Variants in PCDH15 observed in about 807,000 individuals in gnomAD.
PCDH15 encodes the protein protocadherin related 15.
PCDH15 carries 129 observed loss-of-function variants against 178.5 expected under a neutral mutation model. The ratio of observed to expected loss-of-function variants is 0.72; its 90% confidence interval spans 0.63 to 0.84. The LOEUF (loss-of-function observed/expected upper bound fraction) is 0.84, where lower values mean the gene tolerates loss of function less well. Ranked by LOEUF, PCDH15 falls within the 40% of genes least tolerant of loss-of-function variation. The probability of loss-of-function intolerance (pLI) is 0.00; values close to 1 mark genes in which losing one functional copy is unlikely to be tolerated. For missense variants in PCDH15, 2,230 were observed against 2,099.9 expected, an observed-to-expected ratio of 1.06 and a Z score of -1.21; for synonymous variants, 800 against 732.0, an observed-to-expected ratio of 1.09 and a Z score of -1.50.
chr10:54,515,010 G>C (rs112247145), intron 3 of PCDH15, among the ~76,000 whole-genome samples: 5 of 152,206 alleles, frequency 3.3e-5, no homozygotes, highest in Admixed American at 3.3e-4. Context: ...CAAGATGGCC[G>C]AGTAGGAATA....
intron 2 of PCDH15, among the ~76,000 whole-genome samples, chr10:55,491,519 T>A (rs1019585653): frequency 6.6e-6 from 1 of 151,554 alleles, no homozygotes; most frequent in African/African-American, 2.4e-5. Context: ...TGGGGAGTAA[T>A]TCCAGAAAAA....
chr10:54,894,377 G>A (rs559118504), intron 3 of PCDH15, among the ~76,000 whole-genome samples: 85 of 152,208 alleles, frequency 5.6e-4, no homozygotes, highest in African/African-American at 2.0e-3. Context: ...CTTGAAGAAA[G>A]CCTTAAGTGA....
intron 14 of PCDH15, among the ~76,000 whole-genome samples, chr10:54,134,409 AAT>A (rs886226981): frequency 6.6e-6 from 1 of 152,090 alleles, no homozygotes; most frequent in African/African-American, 2.4e-5. Context: ...GGTCACCAAA[AAT>A]ATTTGTCTGA....
chr10:54,301,232 G>T (rs1459437030), intron 8 of PCDH15, among the ~76,000 whole-genome samples: 3 of 152,082 alleles, frequency 2.0e-5, no homozygotes, highest in African/African-American at 4.8e-5. Flanking sequence ...AAGTTCCTAG[G>T]CTTCATCCAA....
chr10:55,129,892 C>T (rs1382954852), intron 2 of PCDH15, among the ~76,000 whole-genome samples: 2 of 152,006 alleles, frequency 1.3e-5, no homozygotes, highest in African/African-American at 4.8e-5. Flanking sequence ...ATGTGCAATG[C>T]TATATAATAT....
At chr10:55,466,240 T>C (rs990784842) in intron 2 of PCDH15, among the ~76,000 whole-genome samples, 2 of 152,142 alleles carry the variant, frequency 1.3e-5, no homozygotes, top group African/African-American at 2.4e-5. Flanking sequence ...CAAAGTATAC[T>C]AGAGACAGCT....
rs114892969 is a variant in PCDH15 at position 55,006,641 on chromosome 10, A to G, written c.-79-109141T>C. ...CGTGTATGGCACCTCAACAAACTGT[A>G]AGAGCAGCCTGAGGGGCTGAACCCT... On this transcript the variant is annotated intron_variant, in intron 2 of 5. Transcript: ENST00000458638. Among the ~76,000 whole-genome samples the G allele has an allele frequency of 8.7e-3, 1,332 of 152,234 alleles. 18 individuals are homozygous for G. The highest frequency in any genetic ancestry group is 0.03 in the African/African-American group (1,262 of 41,548).
intron 2 of PCDH15, among the ~76,000 whole-genome samples, chr10:55,533,212 G>T (rs12220689): frequency 1.3e-5 from 2 of 151,806 alleles, no homozygotes; most frequent in African/African-American, 4.8e-5. Flanking sequence ...GCATAGTATT[G>T]GAATTCCTGC....
intron 2 of PCDH15, among the ~76,000 whole-genome samples, chr10:55,463,330 G>GATATTTAGATATT: frequency 6.6e-6 from 1 of 152,012 alleles, no homozygotes; most frequent in Non-Finnish European, 1.5e-5. Flanking sequence ...ATGATGATAT[G>GATATTTAGATATT]TATTCTAGCC....
chr10:54,041,983 T>A (rs1178101508), intron 18 of PCDH15, among the ~76,000 whole-genome samples: 6 of 151,914 alleles, frequency 3.9e-5, no homozygotes, highest in Admixed American at 3.9e-4. Context: ...TTAGTAACAT[T>A]CTTGAGATTA....
intron 2 of PCDH15, among the ~76,000 whole-genome samples, chr10:54,993,126 A>G (rs1839544892): frequency 6.6e-6 from 1 of 152,158 alleles, no homozygotes; most frequent in African/African-American, 2.4e-5. Context: ...TGCATATGAG[A>G]TTGGTTTGAG....
chr10:54,574,860 T>C (rs1038613948), intron 2 of PCDH15, among the ~76,000 whole-genome samples: 6 of 143,428 alleles, frequency 4.2e-5, no homozygotes, highest in Non-Finnish European at 9.2e-5. Flanking sequence ...CGTATGTTTA[T>C]TGCGGCATTA....
At chr10:54,813,394 A>G (rs771954077) in intron 3 of PCDH15, among the ~76,000 whole-genome samples, 2 of 152,258 alleles carry the variant, frequency 1.3e-5, no homozygotes, top group Middle Eastern at 6.8e-3. Flanking sequence ...CAGATTTGCA[A>G]TTCCCTTGAA....
intron 3 of PCDH15, among the ~76,000 whole-genome samples, chr10:54,484,470 T>C (rs1312343855): frequency 1.3e-5 from 2 of 151,884 alleles, no homozygotes; most frequent in South Asian, 2.1e-4. Flanking sequence ...TAAAAGAAAA[T>C]ACTGTTCACA....
chr10:55,201,012 T>A (rs140939701), intron 1 of PCDH15, among the ~76,000 whole-genome samples: 160 of 152,076 alleles, frequency 1.1e-3, no homozygotes, highest in Middle Eastern at 6.8e-3. Context: ...AATACAGAGG[T>A]CTAGAGATTG....
chr10:55,085,682 T>C (rs1322127858), intron 2 of PCDH15, among the ~76,000 whole-genome samples: 1 of 151,848 alleles, frequency 6.6e-6, no homozygotes, highest in Non-Finnish European at 1.5e-5. Flanking sequence ...TCAAAATTAT[T>C]AGAATCCTAT....
At chr10:54,614,402 A>G (rs1006376284) in intron 2 of PCDH15, among the ~76,000 whole-genome samples, 2 of 152,000 alleles carry the variant, frequency 1.3e-5, no homozygotes, top group Non-Finnish European at 2.9e-5. Flanking sequence ...AGTTTTGTTC[A>G]CTTTAAGGGG....
At chr10:55,570,414 G>A (rs1029209253) in intron 2 of PCDH15, among the ~76,000 whole-genome samples, 1 of 151,772 alleles carries the variant, frequency 6.6e-6, no homozygotes, top group African/African-American at 2.4e-5. Context: ...AGTATTAATA[G>A]AAATAATTTA....
chr10:55,210,618 C>CTTTTTTTTTTTT (rs11412877), intron 1 of PCDH15, among the ~76,000 whole-genome samples: 952 of 40,402 alleles, frequency 0.024, 82 homozygotes, highest in East Asian at 0.042. Context: ...TTTTTCTTTT[C>CTTTTTTTTTTTT]TTTTTTTTTT....
Sources: allele counts gnomAD v4.1 joint callset (sites outside exome capture counted in the v4.1 genomes callset), GRCh38; gene constraint gnomAD v4.1.1; transcripts MANE v1.5; gene names NCBI Gene and HGNC (gene_info 2026-07-23, HGNC 2026-07-21).